Variants in FAM107A observed in about 807,000 individuals in gnomAD.
The protein encoded by FAM107A is family with sequence similarity 107 member A.
In FAM107A, 19 loss-of-function variants were observed where a neutral mutation model predicts 13.7. The ratio of observed to expected loss-of-function variants is 1.38; its 90% CI spans 0.97 to 2.03. The LOEUF (loss-of-function observed/expected upper bound fraction) is 2.03. FAM107A is among the 30% of genes most tolerant of loss of function. The pLI, the probability that FAM107A is intolerant of heterozygous loss-of-function variation, is 0.00. For missense variants in FAM107A, 203 were observed against 184.4 expected (o/e 1.10, Z -0.58); for synonymous variants, 82 against 74.5 (o/e 1.10, Z -0.52).
intron 1 of FAM107A, among the ~76,000 whole-genome samples, chr3:58,570,741 C>G (rs2063675680): frequency 6.6e-6 from 1 of 152,176 alleles, no homozygotes; most frequent in African/African-American, 2.4e-5. Context: ...GCTCTGCTCT[C>G]TTCATGAGTC....
intron 1 of FAM107A, among the ~76,000 whole-genome samples, chr3:58,592,524 C>T (rs1046976576): frequency 6.6e-6 from 1 of 152,184 alleles, no homozygotes; most frequent in African/African-American, 2.4e-5. Context: ...GCGGTCATTT[C>T]TTCCCTTCTC....
chr3:58,605,864 C>T (rs1191519934), intron 1 of FAM107A, among the ~76,000 whole-genome samples: 1 of 152,212 alleles, frequency 6.6e-6, no homozygotes, highest in African/African-American at 2.4e-5. Context: ...ATCAGGTTTG[C>T]TGAACTTCAC....
chr3:58,623,838 C>T (rs995976339), intron 1 of FAM107A, among the ~76,000 whole-genome samples: 2 of 152,232 alleles, frequency 1.3e-5, no homozygotes, highest in African/African-American at 4.8e-5. Context: ...CGAATTGGTG[C>T]AGAAGCGGCA....
At chr3:58,606,187 C>A (rs1339343372) in intron 1 of FAM107A, among the ~76,000 whole-genome samples, 1 of 152,166 alleles carries the variant, frequency 6.6e-6, no homozygotes, top group African/African-American at 2.4e-5. Flanking sequence ...CCTCTGTCTC[C>A]CAGGCTTAAG....
At chr3:58,614,750 C>T (rs1376081393) in intron 1 of FAM107A, among the ~76,000 whole-genome samples, 1 of 152,086 alleles carries the variant, frequency 6.6e-6, no homozygotes, top group Non-Finnish European at 1.5e-5. Flanking sequence ...AGTGATCCAC[C>T]CACCTTGGCC....
In FAM107A at chr3:58,567,373, G is replaced by A; in HGVS notation, c.171-9C>T. 6.2e-7 allele frequency: 1 copy of A among 1,606,974 alleles called. No individual in the cohort carries two copies. The highest frequency in any genetic ancestry group is 8.5e-7 in the Non-Finnish European group (1 of 1,177,158). Reference sequence around the variant, plus strand: ...TGTCCACACCAAGGCCCCTGGGGTGGGAAGTGGGGAGCTGTCAGGAGACCA... The same window carrying A: ...TGTCCACACCAAGGCCCCTGGGGTGAGAAGTGGGGAGCTGTCAGGAGACCA... On this transcript the variant is annotated splice_polypyrimidine_tract_variant and intron_variant, in intron 2 of 3. Coordinates refer to ENST00000360997, the MANE Select transcript of FAM107A (RefSeq NM_001076778.3).
At position 58,569,755 on chromosome 3, in the gene FAM107A, T is replaced by A. The variant is rs1394385547; in HGVS notation, c.106A>T (p.Asn36Tyr). The A allele has an allele frequency of 6.2e-7, 1 of 1,613,920 alleles. No homozygotes were observed. The highest frequency in any genetic ancestry group is 1.3e-5 in the African/African-American group (1 of 74,912). The change falls in exon 2 of 4, where the codon AAC (asparagine) becomes TAC (tyrosine). Residue 36 changes from asparagine (N) to tyrosine (Y), a missense_variant. By Grantham distance (143) the Asn-to-Tyr change is moderately radical. Transcript: ENST00000360997. This position sits in a 1 kb window ranked among gnomAD's most constrained non-coding sequence, Gnocchi z 5.7. ...TGACTCCGAGAGGCCTTCACGGGGT[T>A]CAGCAGCTTCTTGGGCTTGATGAGC... Reference protein sequence around the residue: ...PELIKPKKLLNPVKASRSHQE... With the variant: ...PELIKPKKLLYPVKASRSHQE...
chr3:58,567,392 G>A (rs1343246691), intron 2 of FAM107A, 28 bp from the exon 3 acceptor site: 1 of 1,595,720 alleles, frequency 6.3e-7, no homozygotes, highest in South Asian at 1.1e-5. Flanking sequence ...GAGCTGTCAG[G>A]AGACCATCAC....
At chr3:58,624,600 G>T (rs1212673930) in intron 1 of FAM107A, among the ~76,000 whole-genome samples, 1 of 152,280 alleles carries the variant, frequency 6.6e-6, no homozygotes, top group African/African-American at 2.4e-5. Context: ...TGGCTCCAAG[G>T]GTGGGCTCTG....
At chr3:58,586,811 C>T in intron 1 of FAM107A, 1 of 1,504,296 alleles carries the variant, frequency 6.6e-7, no homozygotes, top group Non-Finnish European at 8.9e-7. Flanking sequence ...ACCACAGAGC[C>T]CTCCTCGCCC....
chr3:58,627,132 A>G (rs990315837), intron 1 of FAM107A: 18 of 797,818 alleles, frequency 2.3e-5, no homozygotes, highest in Non-Finnish European at 3.4e-5. Flanking sequence ...TCATTCTCCC[A>G]GGCACAAAGG....
intron 1 of FAM107A, among the ~76,000 whole-genome samples, chr3:58,606,648 T>C (rs1316272953): frequency 6.6e-6 from 1 of 152,250 alleles, no homozygotes; most frequent in Non-Finnish European, 1.5e-5. Context: ...TCCAGTCTGT[T>C]GGACCTGAAA....
chr3:58,586,882 A>G (rs775188848), exon 1 of FAM107A: 1 of 1,533,356 alleles, frequency 6.5e-7, no homozygotes, highest in South Asian at 1.2e-5. Context: ...ACAGCCCGGT[A>G]GAGCCCGGTG....
At chr3:58,594,308 T>C (rs909631337) in intron 1 of FAM107A, among the ~76,000 whole-genome samples, 1 of 152,218 alleles carries the variant, frequency 6.6e-6, no homozygotes, top group Admixed American at 6.5e-5. Flanking sequence ...CCCCTCTTCT[T>C]GTTTACTTGT....
At chr3:58,594,896 A>G (rs1481420040) in intron 1 of FAM107A, among the ~76,000 whole-genome samples, 1 of 152,188 alleles carries the variant, frequency 6.6e-6, no homozygotes, top group African/African-American at 2.4e-5. Context: ...ACCCCCTTGG[A>G]CACTCTTTAA....
chr3:58,595,457 T>G (rs1350077690), intron 1 of FAM107A, among the ~76,000 whole-genome samples: 1 of 152,148 alleles, frequency 6.6e-6, no homozygotes, highest in African/African-American at 2.4e-5. Context: ...CTTATGACAA[T>G]ACACCCTCCC....
intron 1 of FAM107A, among the ~76,000 whole-genome samples, chr3:58,600,992 G>T (rs2065748610): frequency 1.3e-5 from 2 of 152,116 alleles, no homozygotes; most frequent in Non-Finnish European, 2.9e-5. Flanking sequence ...TAAGACTCAG[G>T]TTCCTCGTGT....
chr3:58,571,632 A>G (rs2063684844), intron 1 of FAM107A, among the ~76,000 whole-genome samples: 1 of 152,316 alleles, frequency 6.6e-6, no homozygotes, highest in Admixed American at 6.5e-5. Context: ...CTGTGGGATC[A>G]AGCTCTCTGG....
In FAM107A at chr3:58,611,960, T is replaced by TGG. The variant is rs748120543; in HGVS notation, c.-70+15454_-70+15455dup. Among the ~76,000 whole-genome samples the TGG allele has an allele frequency of 1.8e-4, 27 of 151,658 alleles. No homozygotes were observed. The South Asian group carries it at 1.9e-3, about 11-fold the overall frequency. ...GAGATGAGTCACACACTGCAGATTG[T>TGG]GGTTTTTTTTCTTCTTCTTTTTTTC... On this transcript the variant is annotated intron_variant, in intron 1 of 3. Coordinates refer to the FAM107A transcript ENST00000465970.
Sources: gnomAD v4.1 joint callset for allele counts (sites outside exome capture counted in the v4.1 genomes callset) on GRCh38, gnomAD v4.1.1 for gene constraint, Gnocchi (gnomAD v3.1) non-coding constraint, MANE v1.5 for transcripts, NCBI Gene and HGNC (gene_info 2026-07-23, HGNC 2026-07-21) for gene names.